The following BEAN1 variants were observed in gnomAD, a reference collection of about 807,000 sequenced individuals.
BEAN1 encodes brain expressed associated with NEDD4 1, also known as protein BEAN1.
Under a neutral mutation model 17.7 loss-of-function variants are expected in BEAN1, and 17 were observed. The ratio of observed to expected loss-of-function variants is 0.96; its 90% confidence interval spans 0.66 to 1.44. The LOEUF (loss-of-function observed/expected upper bound fraction) is 1.44. BEAN1 is among the 40% of genes most tolerant of loss of function. The pLI, the probability that BEAN1 is intolerant of heterozygous loss-of-function variation, is 0.00. For synonymous variants in BEAN1, 142 were observed against 151.8 expected, an observed-to-expected ratio of 0.94 and a Z score of 0.47; for missense variants, 359 against 374.1, an observed-to-expected ratio of 0.96 and a Z score of 0.33.
chr16:66,491,461 A>T (rs949519792), intron 4 of BEAN1, among the ~76,000 whole-genome samples: 1 of 152,214 alleles, frequency 6.6e-6, no homozygotes, highest in Non-Finnish European at 1.5e-5. Flanking sequence ...CAGCATGCCC[A>T]TCATATCCAT....
At chr16:66,443,570 G>C (rs1485848474) in intron 2 of BEAN1, among the ~76,000 whole-genome samples, 1 of 152,224 alleles carries the variant, frequency 6.6e-6, no homozygotes, top group Non-Finnish European at 1.5e-5. Context: ...CATGGCCCCT[G>C]AACATCCTAG....
intron 1 of BEAN1, 33 bp from the exon 2 acceptor site, chr16:66,437,562 C>G (rs1226716132): frequency 1.6e-6 from 2 of 1,278,582 alleles, no homozygotes; most frequent in African/African-American, 3.0e-5. Context: ...GCGCCATGGG[C>G]CCCCCAACAC....
intron 3 of BEAN1, among the ~76,000 whole-genome samples, chr16:66,474,593 GGAGGGAGGGAGA>G (rs1567505064): frequency 8.8e-4 from 15 of 17,008 alleles, no homozygotes; most frequent in African/African-American, 2.7e-3. Context: ...AGGGAGGGAG[GGAGGGAGGGAGA>G]GAGGGAGGGA....
chr16:66,432,509 C>T (rs2142370419), intron 1 of BEAN1, among the ~76,000 whole-genome samples: 1 of 152,372 alleles, frequency 6.6e-6, no homozygotes, highest in Middle Eastern at 3.4e-3. Context: ...TAGACAATCA[C>T]ATGCACACCC....
chr16:66,429,402 G>A (rs1430127943), intron 1 of BEAN1, among the ~76,000 whole-genome samples: 3 of 152,184 alleles, frequency 2.0e-5, no homozygotes, highest in African/African-American at 7.2e-5. Context: ...CCAGAGCAGA[G>A]CAGGGCATAG....
At chr16:66,465,352 C>T (rs934746198) in intron 2 of BEAN1, among the ~76,000 whole-genome samples, 17 of 152,022 alleles carry the variant, frequency 1.1e-4, no homozygotes, top group Admixed American at 3.3e-4. Context: ...CTGTAATTTT[C>T]TTTTCTTGTA....
At chr16:66,487,173 G>C (rs1482493666), downstream of BEAN1, among the ~76,000 whole-genome samples, 1 of 152,226 alleles carries the variant, frequency 6.6e-6, no homozygotes, top group Non-Finnish European at 1.5e-5. Flanking sequence ...ACAGTGCATG[G>C]TTACACAGTT....
At chr16:66,484,828 G>C (rs756005313), downstream of BEAN1, 9 of 453,996 alleles carry the variant, frequency 2.0e-5, no homozygotes, top group African/African-American at 2.0e-5. This position sits in a 1 kb window ranked among gnomAD's most constrained non-coding sequence, Gnocchi z 4.2. Flanking sequence ...TGGGAGAGAC[G>C]GGTTGTTTGT....
At chr16:66,456,382 G>A (rs545699968) in intron 2 of BEAN1, among the ~76,000 whole-genome samples, 13 of 152,268 alleles carry the variant, frequency 8.5e-5, no homozygotes, top group South Asian at 4.1e-4. Flanking sequence ...TCCCCTAGCC[G>A]GTAGGTGGGC....
At position 66,471,482 on chromosome 16, in the gene BEAN1, G is replaced by A. The variant is rs1427293453; in HGVS notation, c.289+1617G>A. Among the ~76,000 whole-genome samples the A allele has an allele frequency of 6.6e-6, 1 of 152,238 alleles. No individual in the cohort carries two copies. ...GGGAGACGCCCCTGGGAGCCGCCCCGTGGGCTCAAGGCAGTGTCCGGCAGA... is the reference window on the plus strand; with the variant it reads ...GGGAGACGCCCCTGGGAGCCGCCCCATGGGCTCAAGGCAGTGTCCGGCAGA... On this transcript the variant is annotated intron_variant, in intron 3 of 4. Transcript: ENST00000536005. This position sits in a 1 kb window ranked among gnomAD's most constrained non-coding sequence, Gnocchi z 4.7.
chr16:66,446,837 T>G (rs1962474407), intron 2 of BEAN1, among the ~76,000 whole-genome samples: 1 of 152,194 alleles, frequency 6.6e-6, no homozygotes, highest in African/African-American at 2.4e-5. Flanking sequence ...TTTCTGTTTC[T>G]CTGCCAAGGG....
At chr16:66,480,308 G>A (rs182909419) in intron 4 of BEAN1, among the ~76,000 whole-genome samples, 1 of 152,166 alleles carries the variant, frequency 6.6e-6, no homozygotes, top group African/African-American at 2.4e-5. Flanking sequence ...GGCCACTGCT[G>A]TTTCGAGGCA....
At chr16:66,444,919 C>G (rs987565575) in intron 2 of BEAN1, among the ~76,000 whole-genome samples, 1 of 152,216 alleles carries the variant, frequency 6.6e-6, no homozygotes, top group Admixed American at 6.5e-5. Flanking sequence ...TCTGCAGCAC[C>G]GCTCCATCAT....
chr16:66,493,277 G>A, exon 5 of BEAN1: 1 of 702,688 alleles, frequency 1.4e-6, no homozygotes, highest in Non-Finnish European at 2.6e-6. Flanking sequence ...GGTTCAGCCA[G>A]GCCCAGGTTC....
intron 3 of BEAN1, among the ~76,000 whole-genome samples, chr16:66,474,019 A>T (rs1182103788): frequency 6.6e-6 from 1 of 152,092 alleles, no homozygotes; most frequent in Non-Finnish European, 1.5e-5. Context: ...CAGCTCCAGA[A>T]CTGCATGCCC....
intron 4 of BEAN1, among the ~76,000 whole-genome samples, chr16:66,479,902 G>A (rs1056038744): frequency 6.6e-6 from 1 of 152,082 alleles, no homozygotes; most frequent in Non-Finnish European, 1.5e-5. Context: ...TCCCCATGGG[G>A]AGCTCTTCTC....
downstream of BEAN1, chr16:66,485,591 G>C (rs1964077817): frequency 5.8e-6 from 1 of 173,894 alleles, no homozygotes; most frequent in Admixed American, 5.5e-5. Context: ...TGGGCTTGGG[G>C]GCTGGGCAGA....
intron 1 of BEAN1, among the ~76,000 whole-genome samples, chr16:66,433,963 G>A (rs1298897558): frequency 6.6e-6 from 1 of 152,222 alleles, no homozygotes; most frequent in East Asian, 1.9e-4. Flanking sequence ...TGTCACAGCA[G>A]AGCCCAGAGT....
At chr16:66,442,866 A>C (rs1962310708) in intron 2 of BEAN1, among the ~76,000 whole-genome samples, 1 of 152,148 alleles carries the variant, frequency 6.6e-6, no homozygotes, top group East Asian at 1.9e-4. Context: ...AGAGGGGGAA[A>C]TAGAGAGAGA....
Sources: allele counts gnomAD v4.1 joint callset (sites outside exome capture counted in the v4.1 genomes callset), GRCh38; gene constraint gnomAD v4.1.1; non-coding constraint Gnocchi (gnomAD v3.1); transcripts MANE v1.5; gene names NCBI Gene and HGNC (gene_info 2026-07-23, HGNC 2026-07-21).